DDO: variants seen among roughly 807,000 people sequenced by gnomAD.
The protein encoded by DDO is D-aspartate oxidase.
DDO carries 16 observed loss-of-function variants against 16.8 expected under a neutral mutation model. The observed-to-expected ratio is 0.95, with a 90% confidence interval of 0.65 to 1.45. The LOEUF (loss-of-function observed/expected upper bound fraction) is 1.45. Ranked by LOEUF, DDO falls within the 40% of genes most tolerant of loss-of-function variation. The probability of loss-of-function intolerance (pLI) is 0.00; values close to 1 mark genes in which losing one functional copy is unlikely to be tolerated. For missense variants in DDO, 429 were observed against 420.3 expected, an observed-to-expected ratio of 1.02 and a Z score of -0.18; for synonymous variants, 180 against 167.2, an observed-to-expected ratio of 1.08 and a Z score of -0.59.
intron 4 of DDO, among the ~76,000 whole-genome samples, chr6:110,396,122 A>G (rs1484369249): frequency 6.6e-6 from 1 of 152,148 alleles, no homozygotes; most frequent in African/African-American, 2.4e-5. Context: ...TTAGACCCTG[A>G]CCCCAATAGC....
At chr6:110,388,765 C>T, downstream of DDO, 1 of 981,424 alleles carries the variant, frequency 1.0e-6, no homozygotes, top group Non-Finnish European at 1.2e-6. Context: ...AAAGGCCAGA[C>T]ACTTGAAAGC....
In DDO at chr6:110,415,562, G is replaced by C. The variant is rs2114850721; in HGVS notation, c.-100C>G. ...CTGGTCTCATGCCCTGAGAGACAGA[G>C]AGAAAGCGAAACTGATTCCCATTGG... On this transcript the variant is annotated 5_prime_UTR_variant, in exon 1 of 5. Coordinates refer to ENST00000368924, the MANE Select transcript of DDO (RefSeq NM_001372108.2). The C allele has an allele frequency of 6.2e-7, 1 of 1,613,566 alleles. No homozygotes were observed. The highest frequency in any genetic ancestry group is 8.5e-7 in the Non-Finnish European group (1 of 1,179,854).
At chr6:110,391,586 CA>C (rs1262426319), downstream of DDO, among the ~76,000 whole-genome samples, 1 of 152,132 alleles carries the variant, frequency 6.6e-6, no homozygotes, top group Non-Finnish European at 1.5e-5. Context: ...CCACCTACCT[CA>C]GCCTCCCAAA....
intron 1 of DDO, among the ~76,000 whole-genome samples, chr6:110,414,843 G>A (rs1227797970): frequency 2.0e-5 from 3 of 152,204 alleles, no homozygotes; most frequent in African/African-American, 7.2e-5. Context: ...ACAAACCATG[G>A]CCACCCACAC....
At chr6:110,389,886 T>C (rs1773071778), downstream of DDO, among the ~76,000 whole-genome samples, 1 of 152,204 alleles carries the variant, frequency 6.6e-6, no homozygotes, top group East Asian at 1.9e-4. Flanking sequence ...TGTTGTTTAT[T>C]GTAGATAAGG....
intron 2 of DDO, among the ~76,000 whole-genome samples, chr6:110,408,705 C>G (rs1465839264): frequency 6.6e-6 from 1 of 152,170 alleles, no homozygotes; most frequent in Non-Finnish European, 1.5e-5. Flanking sequence ...AAGGGCAAAA[C>G]CCGGCATGCG....
intron 4 of DDO, among the ~76,000 whole-genome samples, chr6:110,400,345 G>GGGT (rs1243266605): frequency 6.7e-5 from 10 of 150,248 alleles, no homozygotes; most frequent in African/African-American, 2.2e-4. Flanking sequence ...GAGCGGGCCG[G>GGGT]GGCGGGGACT....
chr6:110,397,976 C>T (rs1353664811), intron 4 of DDO, among the ~76,000 whole-genome samples: 2 of 152,128 alleles, frequency 1.3e-5, no homozygotes, highest in East Asian at 1.9e-4. Flanking sequence ...CTTTTATGAC[C>T]ATATGAGGTA....
At chr6:110,415,212 T>C (rs747199823) in intron 1 of DDO, among the ~76,000 whole-genome samples, 7 of 152,226 alleles carry the variant, frequency 4.6e-5, no homozygotes, top group Non-Finnish European at 8.8e-5. Context: ...AGTGACCTTA[T>C]TGACTTCGCT....
chr6:110,398,385 C>T (rs1773355038), intron 4 of DDO, among the ~76,000 whole-genome samples: 1 of 36,190 alleles, frequency 2.8e-5, no homozygotes, highest in Non-Finnish European at 4.5e-5. Flanking sequence ...TAAATGCGTA[C>T]ACACACACAC....
At chr6:110,408,592 C>G in intron 2 of DDO, 150 bp from the exon 3 acceptor site, 1 of 643,610 alleles carries the variant, frequency 1.6e-6, no homozygotes, top group Non-Finnish European at 2.6e-6. Flanking sequence ...TATAAAGTGC[C>G]ACATTGTGGC....
intron 1 of DDO, 102 bp downstream of exon 1, chr6:110,415,363 CAG>C: frequency 2.0e-6 from 3 of 1,480,760 alleles, no homozygotes; most frequent in Non-Finnish European, 1.8e-6. Context: ...TGTCCTGGCA[CAG>C]TGGCCTGTCC....
rs1236110498 is a variant in DDO at position 110,392,832 on chromosome 6, C to A, written c.969G>T (p.Arg323Ser). The change falls in exon 5 of 5, where the codon AGG becomes AGT. Residue 323 changes from arginine (R) to serine (S), a missense_variant. Arg to Ser is a moderately radical substitution (Grantham distance 110). Coordinates refer to ENST00000368924, the MANE Select transcript of DDO (RefSeq NM_001372108.2). ...VHWGTALEAA[R>S]LVSECVHALR... is the part of the protein sequence containing the mutation. Reference sequence around the variant, plus strand: ...GGGCATGGACACACTCGCTCACCAGCCTGGCGGCCTCCAGAGCAGTGCCCC... The same window carrying A: ...GGGCATGGACACACTCGCTCACCAGACTGGCGGCCTCCAGAGCAGTGCCCC... The A allele has an allele frequency of 2.5e-6, 4 of 1,610,456 alleles. No individual in the cohort carries two copies. The African/African-American group carries it at 5.3e-5, about 21-fold the overall frequency.
chr6:110,413,993 C>T (rs1474763157), intron 1 of DDO, among the ~76,000 whole-genome samples: 11 of 152,144 alleles, frequency 7.2e-5, no homozygotes, highest in Admixed American at 2.6e-4. Flanking sequence ...AGGCTGGTCT[C>T]GAACTCCTGA....
chr6:110,397,250 A>G (rs1454991440), intron 4 of DDO, among the ~76,000 whole-genome samples: 1 of 152,214 alleles, frequency 6.6e-6, no homozygotes, highest in African/African-American at 2.4e-5. Context: ...TTTTCATGCT[A>G]CTGTAAAATA....
At position 110,392,257 on chromosome 6, in the gene DDO, T is replaced by C; in HGVS notation, c.*518A>G. 2 of 985,540 alleles carry C rather than the reference T, an allele frequency of 2.0e-6. No individual in the cohort carries two copies. Among genetic ancestry groups the C allele is most frequent in the Non-Finnish European group, 2.4e-6 (2 of 829,990 alleles). The allele number at this position is 985,540 out of a possible 1,614,324, so 61.0% of individuals were successfully genotyped here. On this transcript the variant is annotated 3_prime_UTR_variant, in exon 5 of 5. Coordinates refer to ENST00000368924, the MANE Select transcript of DDO (RefSeq NM_001372108.2). ...AACCTAAGAAGATCACAGGCAGCTC[T>C]GCAATTGACAGTGATTTAAATGTTT...
rs755405199 is a variant in DDO at position 110,404,799 on chromosome 6, C to A, written c.433G>T (p.Ala145Ser). ...CTTTTCTCCAACCACGGGAGGTAGG[C>A]AGGGCATTCACATTTCAGGGTTGTA... ...AFTTLKCECPAYLPWLEKRIK... is the reference protein window; with the variant it reads ...AFTTLKCECPSYLPWLEKRIK... Residue 145 changes from alanine to serine, a missense_variant, in exon 4 of 5, where the codon GCC (alanine) becomes TCC (serine). Physicochemically the swap from Ala to Ser is moderately conservative, Grantham distance 99. Transcript: ENST00000368924. 2.0e-5 allele frequency: 32 copies of A among 1,613,988 alleles called. No homozygotes were observed.
intron 4 of DDO, among the ~76,000 whole-genome samples, chr6:110,394,827 T>G (rs1773238872): frequency 6.6e-6 from 1 of 152,198 alleles, no homozygotes; most frequent in Non-Finnish European, 1.5e-5. Context: ...CACAGGATGG[T>G]TGTGAGGTTA....
At chr6:110,405,547 G>C (rs2114829958) in intron 3 of DDO, among the ~76,000 whole-genome samples, 1 of 152,226 alleles carries the variant, frequency 6.6e-6, no homozygotes, top group South Asian at 2.1e-4. Flanking sequence ...TAACAAGAAG[G>C]CTGTAATAGT....
Sources: allele counts gnomAD v4.1 joint callset (sites outside exome capture counted in the v4.1 genomes callset), GRCh38; gene constraint gnomAD v4.1.1; transcripts MANE v1.5; gene names NCBI Gene and HGNC (gene_info 2026-07-23, HGNC 2026-07-21).